MLLT10: variants seen among roughly 807,000 people sequenced by gnomAD.
MLLT10 encodes the protein MLLT10 histone lysine methyltransferase DOT1L cofactor, also known as protein AF-10.
MLLT10 carries 30 observed loss-of-function variants against 129.1 expected under a neutral mutation model. The ratio of observed to expected loss-of-function variants is 0.23; its 90% confidence interval spans 0.17 to 0.32. MLLT10 has a LOEUF of 0.32. MLLT10 is among the 10% of genes least tolerant of loss of function. The pLI, the probability that MLLT10 is intolerant of heterozygous loss-of-function variation, is 1.00. For synonymous variants in MLLT10, 490 were observed against 446.4 expected (o/e 1.10, Z -1.23); for missense variants, 1,119 against 1,268.3 (o/e 0.88, Z 1.79).
At chr10:21,728,514 GTATGAGA>G (rs1358154562) in intron 16 of MLLT10, among the ~76,000 whole-genome samples, 1 of 152,180 alleles carries the variant, frequency 6.6e-6, no homozygotes, top group Non-Finnish European at 1.5e-5. Flanking sequence ...GGAGAATGTG[GTATGAGA>G]TACTGTGTCT....
At chr10:21,706,982 C>T (rs1247371469) in intron 13 of MLLT10, among the ~76,000 whole-genome samples, 1 of 152,026 alleles carries the variant, frequency 6.6e-6, no homozygotes, top group African/African-American at 2.4e-5. Context: ...TGTCAATTTT[C>T]TGTATGAACT....
intron 8 of MLLT10, among the ~76,000 whole-genome samples, chr10:21,644,404 T>G (rs1040283699): frequency 6.6e-6 from 1 of 152,120 alleles, no homozygotes; most frequent in Non-Finnish European, 1.5e-5. Context: ...GGGCTATGTA[T>G]TTTGCATTTT....
At chr10:21,551,186 A>C (rs1009142204) in intron 3 of MLLT10, among the ~76,000 whole-genome samples, 6 of 151,644 alleles carry the variant, frequency 4.0e-5, no homozygotes, top group Non-Finnish European at 7.4e-5. Context: ...CGGCCTCCCA[A>C]AGTGCTGGGA....
chr10:21,705,142 C>T (rs537203739), intron 13 of MLLT10, among the ~76,000 whole-genome samples: 2 of 152,200 alleles, frequency 1.3e-5, no homozygotes, highest in African/African-American at 4.8e-5. Context: ...AAGACGGTGG[C>T]AGTGGTGGGT....
chr10:21,694,461 G>T (rs1589681290), intron 13 of MLLT10, among the ~76,000 whole-genome samples: 1 of 152,114 alleles, frequency 6.6e-6, no homozygotes, highest in Non-Finnish European at 1.5e-5. Context: ...TTTACAATTA[G>T]TAATTATTTT....
At chr10:21,539,875 G>A (rs2034786336) in intron 3 of MLLT10, among the ~76,000 whole-genome samples, 1 of 152,054 alleles carries the variant, frequency 6.6e-6, no homozygotes, top group Non-Finnish European at 1.5e-5. Flanking sequence ...AACCTGGGAG[G>A]CGGAGGTTGC....
At chr10:21,730,812 C>T in intron 16 of MLLT10, 88 bp from the exon 17 acceptor site, 1 of 1,426,896 alleles carries the variant, frequency 7.0e-7, no homozygotes. Flanking sequence ...AAAACTCATA[C>T]AGGAGAAAAG....
intron 3 of MLLT10, among the ~76,000 whole-genome samples, chr10:21,585,825 G>T (rs999400923): frequency 1.3e-5 from 2 of 152,126 alleles, no homozygotes; most frequent in African/African-American, 4.8e-5. Flanking sequence ...GCAATGGCGC[G>T]ATCTTGGCTC....
rs148786876 is a variant in MLLT10, at chr10:21,609,883, A to T, written c.406-2465A>T. Among the ~76,000 whole-genome samples, 1,147 of 151,480 alleles carry T rather than the reference A, an allele frequency of 7.6e-3. 17 individuals are homozygous for T. The highest frequency in any genetic ancestry group is 0.026 in the African/African-American group (1,094 of 41,326). Reference sequence around the variant, plus strand: ...AGTACAGTGTGATGTTTTCTCTCTCACACACACACACACGCACATACACAG... The same window carrying T: ...AGTACAGTGTGATGTTTTCTCTCTCTCACACACACACACGCACATACACAG... On this transcript the variant is annotated intron_variant, in intron 5 of 22. Transcript: ENST00000307729.
intron 11 of MLLT10, among the ~76,000 whole-genome samples, chr10:21,680,414 C>T (rs1391906868): frequency 3.3e-5 from 5 of 151,876 alleles, no homozygotes; most frequent in Admixed American, 3.3e-4. Context: ...CCTTATTGGG[C>T]AGGCTGGTCT....
At chr10:21,582,413 C>T (rs752327966) in intron 3 of MLLT10, among the ~76,000 whole-genome samples, 1 of 152,134 alleles carries the variant, frequency 6.6e-6, no homozygotes, top group Non-Finnish European at 1.5e-5. Flanking sequence ...AGCCACTACA[C>T]CCAGCCTGTT....
At chr10:21,670,030 C>T (rs114674611) in intron 9 of MLLT10, among the ~76,000 whole-genome samples, 1 of 151,888 alleles carries the variant, frequency 6.6e-6, no homozygotes, top group Non-Finnish European at 1.5e-5. Context: ...ATTTGTAGCA[C>T]CTTAGTTCCC....
At chr10:21,648,921 G>T (rs1004081229) in intron 8 of MLLT10, among the ~76,000 whole-genome samples, 1 of 152,098 alleles carries the variant, frequency 6.6e-6, no homozygotes, top group South Asian at 2.1e-4. Flanking sequence ...CATGAGAACA[G>T]CACAGGAAAA....
chr10:21,538,685 A>C (rs1013693300), intron 2 of MLLT10, 148 bp from the exon 3 acceptor site: 1 of 550,502 alleles, frequency 1.8e-6, no homozygotes, highest in African/African-American at 1.9e-5. Flanking sequence ...TGTATATGTG[A>C]TAAATAGGAT....
intron 8 of MLLT10, among the ~76,000 whole-genome samples, chr10:21,634,187 C>T (rs2047252023): frequency 1.3e-5 from 2 of 151,976 alleles, no homozygotes; most frequent in Non-Finnish European, 2.9e-5. Context: ...TTTCAGGGAG[C>T]CGAGATCACA....
chr10:21,652,382 TTGAG>T (rs1211340413), intron 9 of MLLT10, among the ~76,000 whole-genome samples: 1 of 152,154 alleles, frequency 6.6e-6, no homozygotes, highest in Non-Finnish European at 1.5e-5. Flanking sequence ...CACTTACTGA[TTGAG>T]TGTTTAGGTT....
intron 9 of MLLT10, chr10:21,669,034 A>G (rs755405050): frequency 1.7e-5 from 23 of 1,380,902 alleles, no homozygotes; most frequent in Non-Finnish European, 2.0e-5. Context: ...CCAGCATGGA[A>G]AAGGTTCATA....
chr10:21,715,438 G>A (rs2056471252), intron 14 of MLLT10, among the ~76,000 whole-genome samples: 1 of 152,134 alleles, frequency 6.6e-6, no homozygotes, highest in East Asian at 1.9e-4. Context: ...GCCATAACAG[G>A]GGTTTGGGGT....
intron 2 of MLLT10, among the ~76,000 whole-genome samples, chr10:21,538,624 G>A (rs764846374): frequency 3.3e-5 from 5 of 151,970 alleles, no homozygotes; most frequent in Non-Finnish European, 7.4e-5. Flanking sequence ...ATTTAGATGA[G>A]GTAACACAAA....
Sources: allele counts gnomAD v4.1 joint callset (sites outside exome capture counted in the v4.1 genomes callset), GRCh38; gene constraint gnomAD v4.1.1; transcripts MANE v1.5; gene names NCBI Gene and HGNC (gene_info 2026-07-23, HGNC 2026-07-21).